ACOT7: variants seen among roughly 807,000 people sequenced by gnomAD.
ACOT7 encodes the protein cytosolic acyl coenzyme A thioester hydrolase.
ACOT7 carries 12 observed loss-of-function variants against 40.2 expected under a neutral mutation model. The ratio of observed to expected loss-of-function variants is 0.30; its 90% CI spans 0.19 to 0.48. The LOEUF (loss-of-function observed/expected upper bound fraction) is 0.48. Ranked by LOEUF, ACOT7 falls within the 20% of genes least tolerant of loss-of-function variation. The pLI, the probability that ACOT7 is intolerant of heterozygous loss-of-function variation, is 0.99. For synonymous variants in ACOT7, 228 were observed against 219.5 expected (o/e 1.04, Z -0.34); for missense variants, 395 against 530.8 (o/e 0.74, Z 2.51).
intron 4 of ACOT7, among the ~76,000 whole-genome samples, chr1:6,327,737 CTA>C (rs1035098773): frequency 1.9e-4 from 29 of 152,248 alleles, no homozygotes; most frequent in African/African-American, 6.5e-4. Flanking sequence ...ATTTTTGTAA[CTA>C]TGTGGGCACT....
intron 2 of ACOT7, among the ~76,000 whole-genome samples, chr1:6,344,027 G>A (rs1571326669): frequency 6.6e-6 from 1 of 152,344 alleles, no homozygotes; most frequent in Admixed American, 6.5e-5. Context: ...GACTTCAGAT[G>A]AGAGGCATCT....
intron 5 of ACOT7, among the ~76,000 whole-genome samples, chr1:6,324,110 G>A (rs1184920843): frequency 2.0e-5 from 3 of 151,624 alleles, no homozygotes; most frequent in Non-Finnish European, 4.4e-5. Flanking sequence ...CCCAACTCAG[G>A]CTAAGCCACC....
In ACOT7 at chr1:6,294,603, C is replaced by T. The variant is rs1197191447; in HGVS notation, c.829+261G>A. Among the ~76,000 whole-genome samples, 1 of 152,212 alleles carries T rather than the reference C, an allele frequency of 6.6e-6. No individual in the cohort carries two copies. Among genetic ancestry groups the T allele is most frequent in the Non-Finnish European group, 1.5e-5 (1 of 68,032 alleles). ...CCTTCCCAGAGCTCTGTCTGTGGAGCGTTTTCAGAGGGTGAGTTTAGGCAG... is the reference window on the plus strand; with the variant it reads ...CCTTCCCAGAGCTCTGTCTGTGGAGTGTTTTCAGAGGGTGAGTTTAGGCAG... On this transcript the variant is annotated intron_variant, in intron 7 of 8. Transcript: ENST00000361521. This position sits in a 1 kb window ranked among gnomAD's most constrained non-coding sequence, Gnocchi z 4.6.
intron 7 of ACOT7, among the ~76,000 whole-genome samples, chr1:6,290,582 A>T (rs1046107818): frequency 1.3e-5 from 2 of 152,240 alleles, no homozygotes. Context: ...ATGTGGATTA[A>T]ATTTATACTT....
intron 2 of ACOT7, among the ~76,000 whole-genome samples, chr1:6,347,018 G>C (rs755392834): frequency 5.9e-5 from 9 of 152,196 alleles, no homozygotes; most frequent in Admixed American, 3.3e-4. Flanking sequence ...AGCAGGCCAA[G>C]TAGGCATCCA....
At chr1:6,276,281 C>A (rs1053439539) in intron 8 of ACOT7, among the ~76,000 whole-genome samples, 1 of 152,140 alleles carries the variant, frequency 6.6e-6, no homozygotes, top group African/African-American at 2.4e-5. Context: ...GGCTGAAAAG[C>A]CTTCCCACAT....
intron 6 of ACOT7, among the ~76,000 whole-genome samples, chr1:6,296,181 C>T (rs1218459839): frequency 6.6e-6 from 1 of 152,142 alleles, no homozygotes; most frequent in Non-Finnish European, 1.5e-5. Flanking sequence ...AGTCGTGCTA[C>T]TGAGCCAGGC....
At position 6,294,796 on chromosome 1, in the gene ACOT7, A is replaced by T; in HGVS notation, c.829+68T>A. ...ATGACCCTGGGTGTGAACAGAAAAC[A>T]AACTGGTGCAGGGACCCAAGCAGCC... On this transcript the variant is annotated intron_variant, in intron 7 of 8. Transcript: ENST00000361521. The surrounding 1 kb of genome is among the most constrained non-coding windows in gnomAD (Gnocchi z 4.6). The T allele has an allele frequency of 7.5e-7, 1 of 1,329,252 alleles. No homozygotes were observed. The highest frequency in any genetic ancestry group is 1.4e-5 in the African/African-American group (1 of 69,222). 82.3% of individuals were successfully genotyped at this position (1,329,252 alleles called of 1,614,324 possible).
chr1:6,296,191 C>A (rs574302939), intron 6 of ACOT7, among the ~76,000 whole-genome samples: 1 of 152,200 alleles, frequency 6.6e-6, no homozygotes, highest in East Asian at 1.9e-4. Context: ...CTGAGCCAGG[C>A]CAGTACACTT....
chr1:6,293,092 T>C (rs961924861), intron 7 of ACOT7, among the ~76,000 whole-genome samples: 1 of 152,068 alleles, frequency 6.6e-6, no homozygotes, highest in Non-Finnish European at 1.5e-5. Context: ...GTTTTCACCA[T>C]GTTAACCAGG....
At chr1:6,329,423 G>A (rs1371641281) in intron 4 of ACOT7, among the ~76,000 whole-genome samples, 2 of 152,136 alleles carry the variant, frequency 1.3e-5, no homozygotes, top group Non-Finnish European at 2.9e-5. Flanking sequence ...GAGAGTCTGT[G>A]CTGTGTATCT....
intron 5 of ACOT7, among the ~76,000 whole-genome samples, chr1:6,323,451 C>T (rs1463215582): frequency 3.9e-5 from 6 of 152,128 alleles, no homozygotes; most frequent in Admixed American, 3.3e-4. Flanking sequence ...GGTATGGTGG[C>T]TCACGCCTGT....
chr1:6,303,921 G>A (rs768638446), intron 6 of ACOT7, among the ~76,000 whole-genome samples: 9 of 152,204 alleles, frequency 5.9e-5, no homozygotes, highest in Non-Finnish European at 1.3e-4. Flanking sequence ...GGGAAGGGGG[G>A]AGGTCTTGAC....
intron 1 of ACOT7, among the ~76,000 whole-genome samples, chr1:6,388,009 C>G (rs200298203): frequency 6.7e-6 from 1 of 150,326 alleles, no homozygotes; most frequent in Admixed American, 6.6e-5. Flanking sequence ...GGCACAATCT[C>G]GGCTCACTGC....
At chr1:6,332,474 G>A (rs60285258) in intron 4 of ACOT7, among the ~76,000 whole-genome samples, 17,233 of 152,210 alleles carry the variant, frequency 0.11, 1,924 homozygotes, top group African/African-American at 0.29. Context: ...TCGCCCACAG[G>A]CCCGCCCATG....
At chr1:6,312,138 G>A (rs1476218744) in intron 6 of ACOT7, among the ~76,000 whole-genome samples, 1 of 152,158 alleles carries the variant, frequency 6.6e-6, no homozygotes, top group Non-Finnish European at 1.5e-5. Context: ...CCTCGGTAGA[G>A]CTGGTGGCCG....
intron 6 of ACOT7, among the ~76,000 whole-genome samples, chr1:6,298,162 T>A (rs539266386): frequency 2.0e-5 from 3 of 151,834 alleles, no homozygotes; most frequent in East Asian, 3.9e-4. Context: ...TGAGAAAGAG[T>A]CTCTCTCTGT....
At chr1:6,276,497 C>T (rs3789508) in intron 8 of ACOT7, among the ~76,000 whole-genome samples, 53,217 of 151,556 alleles carry the variant, frequency 0.35, 13,594 homozygotes, top group African/African-American at 0.73. Context: ...TTCATGGAGA[C>T]GCAACTCCAA....
chr1:6,315,753 T>TAAAAAAAA (rs61115908), intron 6 of ACOT7, among the ~76,000 whole-genome samples: 1 of 83,600 alleles, frequency 1.2e-5, no homozygotes. Context: ...AGACTCTGTC[T>TAAAAAAAA]AAAAAAAAAA....
Sources: gnomAD v4.1 joint callset for allele counts (sites outside exome capture counted in the v4.1 genomes callset) on GRCh38, gnomAD v4.1.1 for gene constraint, Gnocchi (gnomAD v3.1) non-coding constraint, MANE v1.5 for transcripts, NCBI Gene and HGNC (gene_info 2026-07-23, HGNC 2026-07-21) for gene names.